ENOX1: variants seen among roughly 807,000 people sequenced by gnomAD.
ENOX1 encodes the protein candidate growth-related and time keeping constitutive hydroquinone (NADH) oxidase.
A neutral mutation model predicts 82.5 loss-of-function variants in ENOX1; 42 were observed. That is an observed-to-expected ratio of 0.51 (90% CI 0.40 to 0.66). The LOEUF is 0.66. Among genes scored for constraint, ENOX1 ranks in the 30% least tolerant of loss-of-function variants. The pLI is 0.00. For synonymous variants in ENOX1, 271 were observed against 282.2 expected (o/e 0.96, Z 0.40); for missense variants, 608 against 811.6 (o/e 0.75, Z 3.05).
intron 2 of ENOX1, among the ~76,000 whole-genome samples, chr13:43,576,510 C>G (rs745676282): frequency 3.2e-4 from 48 of 152,060 alleles, no homozygotes; most frequent in Non-Finnish European, 6.2e-4. Flanking sequence ...TAAAATGTGC[C>G]TAGTTCACAT....
intron 13 of ENOX1, among the ~76,000 whole-genome samples, chr13:43,268,420 A>G (rs958447447): frequency 6.6e-6 from 1 of 152,238 alleles, no homozygotes; most frequent in African/African-American, 2.4e-5. Flanking sequence ...TACTGAATCT[A>G]TATTCATCAT....
rs1323133035 is a variant in ENOX1 at position 43,470,375 on chromosome 13, T to C, written c.-75+13634A>G. Reference sequence around the variant, plus strand: ...ATATGTATATATATACGTATATATATACATATATATACGTATATATATGTG... The same window carrying C: ...ATATGTATATATATACGTATATATACACATATATATACGTATATATATGTG... On this transcript the variant is annotated intron_variant, in intron 3 of 16. Coordinates refer to ENST00000690772, the MANE Select transcript of ENOX1 (RefSeq NM_001347969.2). Among the ~76,000 whole-genome samples the C allele has an allele frequency of 2.6e-3, 226 of 85,632 alleles. 20 individuals carry two copies. Among genetic ancestry groups the C allele is most frequent in the African/African-American group, 6.9e-3 (157 of 22,724 alleles). The allele number at this position is 85,632 out of a possible 152,430, so 56.2% of individuals were successfully genotyped here.
rs200377686 is a variant in ENOX1, at chr13:43,541,173, G to T, written c.-218-57021C>A. 6.8e-3 allele frequency among the ~76,000 whole-genome samples: 442 copies of T among 64,528 alleles called. 2 individuals are homozygous for T. Among genetic ancestry groups the T allele is most frequent in the South Asian group, 0.034 (25 of 734 alleles). 42.3% of individuals were successfully genotyped at this position (64,528 alleles called of 152,430 possible). On this transcript the variant is annotated intron_variant, in intron 2 of 16. Transcript: ENST00000690772. ...CTCCAACCTTACACTTCTTCCCTCT[G>T]TTTTTTTTTTTTTTTTTTTTTTTTT... is the stretch of plus-strand genomic sequence containing the variant.
intron 2 of ENOX1, among the ~76,000 whole-genome samples, chr13:43,550,301 T>C (rs779684015): frequency 1.4e-4 from 21 of 152,160 alleles, no homozygotes; most frequent in Non-Finnish European, 2.8e-4. Flanking sequence ...TAAACTAATA[T>C]GAGCTGTGTG....
chr13:43,739,870 A>G (rs149351890), intron 1 of ENOX1, among the ~76,000 whole-genome samples: 83 of 152,058 alleles, frequency 5.5e-4, no homozygotes, highest in African/African-American at 1.9e-3. Context: ...CTCTTCCTCA[A>G]CCTCTCCTCA....
rs566197189 is a variant in ENOX1, at chr13:43,565,937, G to A, written c.-218-81785C>T. On this transcript the variant is annotated intron_variant, in intron 2 of 16. Transcript: ENST00000690772. ...GATGGATAGAAAATGAATCTCACTGGTTATGGCAGTTTTTAACGAGATTTT... is the reference window on the plus strand; with the variant it reads ...GATGGATAGAAAATGAATCTCACTGATTATGGCAGTTTTTAACGAGATTTT... Among the ~76,000 whole-genome samples the A allele has an allele frequency of 6.6e-5, 10 of 152,260 alleles. No individual in the cohort carries two copies. The East Asian group carries it at 1.7e-3, about 26-fold the overall frequency.
chr13:43,590,924 C>G (rs9316040), intron 2 of ENOX1, among the ~76,000 whole-genome samples: 148,003 of 152,320 alleles, frequency 0.97, 72,039 homozygotes, highest in Non-Finnish European at 1. Context: ...CCAATAGTAA[C>G]CAGGAAAACA....
At chr13:43,630,125 G>T (rs1258422452) in intron 2 of ENOX1, among the ~76,000 whole-genome samples, 6 of 152,058 alleles carry the variant, frequency 3.9e-5, no homozygotes, top group Non-Finnish European at 8.8e-5. Flanking sequence ...GCTTATTTTT[G>T]TATGTTTTAG....
At chr13:43,681,647 G>A (rs528392706) in intron 1 of ENOX1, among the ~76,000 whole-genome samples, 8 of 148,694 alleles carry the variant, frequency 5.4e-5, no homozygotes, top group African/African-American at 7.6e-5. Context: ...CAACCAGACT[G>A]CAATTAAACA....
chr13:43,506,351 G>C (rs558607519), intron 2 of ENOX1, among the ~76,000 whole-genome samples: 236 of 151,634 alleles, frequency 1.6e-3, no homozygotes, highest in African/African-American at 4.8e-3. Context: ...TGCTGGAGAG[G>C]ATGTGGAGAA....
chr13:43,344,409 GT>G, intron 9 of ENOX1, 128 bp downstream of exon 9: 1 of 748,530 alleles, frequency 1.3e-6, no homozygotes, highest in Non-Finnish European at 2.2e-6. Flanking sequence ...AGGTTATGAA[GT>G]TTGCCATTCA....
chr13:43,704,618 G>C lies in ENOX1; in HGVS notation c.-284-37074C>G, dbSNP rs139875439. Among the ~76,000 whole-genome samples the C allele has an allele frequency of 7.6e-3, 1,159 of 152,230 alleles. 7 individuals carry two copies. The highest frequency in any genetic ancestry group is 0.013 in the Non-Finnish European group (862 of 68,010). ...GCCAGAGCACTGCAAAAAGCAACAG[G>C]GGGTGGGACTGGTGATCCACAACGA... On this transcript the variant is annotated intron_variant, in intron 1 of 16. Transcript: ENST00000690772.
intron 2 of ENOX1, among the ~76,000 whole-genome samples, chr13:43,514,893 T>C (rs909957455): frequency 3.9e-5 from 6 of 152,052 alleles, no homozygotes; most frequent in Non-Finnish European, 7.4e-5. Flanking sequence ...GCTCCAACTG[T>C]AGCCCCCCCT....
chr13:43,598,996 T>C (rs2081588129), intron 2 of ENOX1, among the ~76,000 whole-genome samples: 1 of 152,174 alleles, frequency 6.6e-6, no homozygotes, highest in Admixed American at 6.5e-5. Flanking sequence ...AAGTGGGAAT[T>C]CTAGAATGTT....
At chr13:43,688,589 C>A (rs1171553828) in intron 1 of ENOX1, among the ~76,000 whole-genome samples, 1 of 152,134 alleles carries the variant, frequency 6.6e-6, no homozygotes, top group Non-Finnish European at 1.5e-5. Flanking sequence ...CCATAAAAAC[C>A]TATTTACAAA....
intron 2 of ENOX1, among the ~76,000 whole-genome samples, chr13:43,531,439 C>G (rs11147915): frequency 0.55 from 82,222 of 148,350 alleles, 23,150 homozygotes; most frequent in East Asian, 0.83. Flanking sequence ...TGCTGGAGAG[C>G]ATGTGGAGAA....
intron 16 of ENOX1, 94 bp downstream of exon 16, chr13:43,223,959 C>T (rs1170620330): frequency 1.1e-6 from 1 of 906,760 alleles, no homozygotes; most frequent in Non-Finnish European, 1.8e-6. Context: ...TAGGCTGCTA[C>T]AGCCCTAGTT....
intron 5 of ENOX1, among the ~76,000 whole-genome samples, chr13:43,377,509 C>T (rs545972045): frequency 2.0e-5 from 3 of 152,198 alleles, no homozygotes; most frequent in South Asian, 2.1e-4. Flanking sequence ...CGTTTTCCCA[C>T]GAACAAAACT....
intron 2 of ENOX1, among the ~76,000 whole-genome samples, chr13:43,539,500 G>A (rs2078617678): frequency 6.6e-6 from 1 of 151,944 alleles, no homozygotes; most frequent in South Asian, 2.1e-4. Context: ...TTGTTTTCAG[G>A]ATTATTGTTA....
Sources: allele counts gnomAD v4.1 joint callset (sites outside exome capture counted in the v4.1 genomes callset), GRCh38; gene constraint gnomAD v4.1.1; transcripts MANE v1.5; gene names NCBI Gene and HGNC (gene_info 2026-07-23, HGNC 2026-07-21).